ZFPM2: variants seen among roughly 807,000 people sequenced by gnomAD.
The protein encoded by ZFPM2 is zinc finger protein ZFPM2.
ZFPM2 carries 20 observed loss-of-function variants against 98.6 expected under a neutral mutation model. The observed-to-expected ratio is 0.20, with a 90% CI of 0.14 to 0.29. The LOEUF (loss-of-function observed/expected upper bound fraction) is 0.29, where lower values mean the gene tolerates loss of function less well. Ranked by LOEUF, ZFPM2 falls within the 10% of genes least tolerant of loss-of-function variation. The probability of loss-of-function intolerance (pLI) is 1.00; values close to 1 mark genes in which losing one functional copy is unlikely to be tolerated. For missense variants in ZFPM2, 1,310 were observed against 1,388.6 expected (o/e 0.94, Z 0.90); for synonymous variants, 518 against 502.7 (o/e 1.03, Z -0.41).
chr8:105,520,646 A>G (rs1814033008), intron 3 of ZFPM2, among the ~76,000 whole-genome samples: 1 of 152,070 alleles, frequency 6.6e-6, no homozygotes, highest in African/African-American at 2.4e-5. Context: ...TGATTGTGAT[A>G]AGCATTGTCG....
At chr8:105,501,984 A>C (rs16873196) in intron 3 of ZFPM2, among the ~76,000 whole-genome samples, 55,841 of 151,886 alleles carry the variant, frequency 0.37, 12,119 homozygotes, top group African/African-American at 0.61. Flanking sequence ...TTATGGAATT[A>C]TACATCAAAG....
chr8:105,459,810 T>C (rs1812670052), intron 3 of ZFPM2, among the ~76,000 whole-genome samples: 2 of 152,108 alleles, frequency 1.3e-5, no homozygotes, highest in African/African-American at 4.8e-5. Flanking sequence ...GAGAGTCACA[T>C]TGGGTATTAG....
At chr8:105,327,085 G>A (rs1387213986) in intron 1 of ZFPM2, among the ~76,000 whole-genome samples, 1 of 151,346 alleles carries the variant, frequency 6.6e-6, no homozygotes, top group Non-Finnish European at 1.5e-5. Flanking sequence ...TTCTTTGGAT[G>A]ATATGAATTA....
intron 3 of ZFPM2, among the ~76,000 whole-genome samples, chr8:105,506,763 GGATCACGA>G (rs1367887581): frequency 1.3e-5 from 2 of 152,012 alleles, no homozygotes; most frequent in Non-Finnish European, 2.9e-5. Context: ...TGAGGCGGGC[GGATCACGA>G]GATCAGGAGA....
intron 5 of ZFPM2, among the ~76,000 whole-genome samples, chr8:105,753,983 T>C (rs1164051433): frequency 6.6e-6 from 1 of 152,192 alleles, no homozygotes; most frequent in Non-Finnish European, 1.5e-5. Context: ...TTTTATTTCA[T>C]GCTTCTTAAA....
chr8:105,448,610 A>T (rs1812424058), intron 3 of ZFPM2, among the ~76,000 whole-genome samples: 1 of 152,004 alleles, frequency 6.6e-6, no homozygotes, highest in Admixed American at 6.6e-5. Flanking sequence ...CATCTCATAG[A>T]ATGGAGAGTA....
chr8:105,517,707 CCA>C (rs1554613621), intron 3 of ZFPM2, among the ~76,000 whole-genome samples: 27,359 of 124,910 alleles, frequency 0.22, 3,200 homozygotes, highest in East Asian at 0.52. Flanking sequence ...CACACACACA[CCA>C]CACACACACA....
intron 1 of ZFPM2, among the ~76,000 whole-genome samples, chr8:105,385,109 G>A (rs1248339670): frequency 2.6e-5 from 4 of 152,100 alleles, no homozygotes; most frequent in African/African-American, 9.7e-5. Flanking sequence ...CAGACTATAC[G>A]AGACCACTTC....
chr8:105,513,011 A>T (rs1400535561), intron 3 of ZFPM2, among the ~76,000 whole-genome samples: 1 of 152,032 alleles, frequency 6.6e-6, no homozygotes, highest in Non-Finnish European at 1.5e-5. Flanking sequence ...AGTTTGTTTT[A>T]AGTGTTAACT....
chr8:105,639,162 G>A (rs1218101352), intron 5 of ZFPM2, among the ~76,000 whole-genome samples: 2 of 152,032 alleles, frequency 1.3e-5, no homozygotes, highest in Admixed American at 6.6e-5. Context: ...ACTGTCTGTT[G>A]AGCACTGATG....
At chr8:105,760,591 C>A (rs1472414606) in intron 5 of ZFPM2, among the ~76,000 whole-genome samples, 18 of 151,882 alleles carry the variant, frequency 1.2e-4, no homozygotes, top group Admixed American at 1.2e-3. Context: ...GTGTTTAGAC[C>A]AAGGCAAGGA....
chr8:105,648,677 C>T (rs1457932128), intron 5 of ZFPM2, among the ~76,000 whole-genome samples: 2 of 152,082 alleles, frequency 1.3e-5, no homozygotes, highest in Non-Finnish European at 2.9e-5. Context: ...TGTCAAAGAT[C>T]AGATGGTTGT....
Position 105,802,873 on chromosome 8 carries a change from T to G in ZFPM2, c.2791T>G (p.Leu931Val). ...NLKQPSPNGN[L>V]FSSHLATLQG... is the part of the protein sequence containing the mutation. ...GAAGCAGCCTTCCCCCAATGGAAAC[T>G]TATTTTCATCCCACCTAGCAACCCT... The change falls in exon 8 of 8, where the codon TTA becomes GTA. Residue 931 changes from leucine (L) to valine (V), a missense_variant. By Grantham distance (32) the Leu-to-Val change is conservative. Transcript: ENST00000407775. 2 of 1,613,806 alleles carry G rather than the reference T, an allele frequency of 1.2e-6. No homozygotes were observed.
At chr8:105,517,806 A>G (rs1813969199) in intron 3 of ZFPM2, among the ~76,000 whole-genome samples, 1 of 151,500 alleles carries the variant, frequency 6.6e-6, no homozygotes, top group Admixed American at 6.6e-5. Context: ...AGCCTGGAGG[A>G]TCACATGAGC....
At position 105,788,848 on chromosome 8, in the gene ZFPM2, A is replaced by G. The variant is rs762085683; in HGVS notation, c.663A>G (p.Ala221=). The G allele has an allele frequency of 6.2e-7, 1 of 1,613,928 alleles. No individual in the cohort carries two copies. The highest frequency in any genetic ancestry group is 8.5e-7 in the Non-Finnish European group (1 of 1,179,862). Residue 221 remains alanine, a synonymous_variant, in exon 6 of 8, where the codon GCA becomes GCG. Transcript: ENST00000407775. The part of the protein sequence containing the change: ...QMTLTEGMYP[A]RLLDSIQLLP... ...CTCTCACAGAAGGGATGTACCCTGC[A>G]CGCCTGCTGGACTCAATTCAGCTGC... is the stretch of plus-strand genomic sequence containing the variant.
intron 5 of ZFPM2, among the ~76,000 whole-genome samples, chr8:105,751,990 G>A (rs1405770383): frequency 2.0e-5 from 3 of 151,980 alleles, no homozygotes; most frequent in Non-Finnish European, 4.4e-5. Context: ...GCATTGTGTC[G>A]TTCTCTACAG....
At position 105,638,780 on chromosome 8, in the gene ZFPM2, C is replaced by A. The variant is rs1207480167; in HGVS notation, c.532+4423C>A. On this transcript the variant is annotated intron_variant, in intron 5 of 7. Coordinates refer to ENST00000407775, the MANE Select transcript of ZFPM2 (RefSeq NM_012082.4). ...AATATGACTATAAATCTCTCCTTGT[C>A]AGCGTGTCCATCAAATAATTATTAT... is the stretch of plus-strand genomic sequence containing the variant. Among the ~76,000 whole-genome samples, 6 of 152,022 alleles carry A rather than the reference C, an allele frequency of 3.9e-5. No homozygotes were observed. The East Asian group carries it at 5.8e-4, about 15-fold the overall frequency.
chr8:105,418,783 A>G (rs1036602569), intron 1 of ZFPM2: 5 of 511,984 alleles, frequency 9.8e-6, no homozygotes, highest in Non-Finnish European at 1.9e-5. Context: ...TGTAAAAGAG[A>G]CTTGTACTCT....
intron 3 of ZFPM2, among the ~76,000 whole-genome samples, chr8:105,480,395 A>G (rs1396627165): frequency 6.6e-6 from 1 of 152,216 alleles, no homozygotes; most frequent in African/African-American, 2.4e-5. Context: ...AACTGAGCCT[A>G]CAAATATAAC....
Sources: gnomAD v4.1 joint callset for allele counts (sites outside exome capture counted in the v4.1 genomes callset) on GRCh38, gnomAD v4.1.1 for gene constraint, MANE v1.5 for transcripts, NCBI Gene and HGNC (gene_info 2026-07-23, HGNC 2026-07-21) for gene names.